The following LRP1B variants were observed in gnomAD, a reference collection of about 807,000 sequenced individuals.
LRP1B encodes low-density lipoprotein receptor-related protein 1B.
LRP1B carries 217 observed loss-of-function variants against 556.6 expected under a neutral mutation model. The ratio of observed to expected loss-of-function variants is 0.39; its 90% CI spans 0.35 to 0.44. The LOEUF (loss-of-function observed/expected upper bound fraction) is 0.44. Ranked by LOEUF, LRP1B falls within the 20% of genes least tolerant of loss-of-function variation. The probability of loss-of-function intolerance (pLI) is 1.00; values close to 1 mark genes in which losing one functional copy is unlikely to be tolerated. For synonymous variants in LRP1B, 2,047 were observed against 1,865.8 expected (o/e 1.10, Z -2.50); for missense variants, 5,053 against 5,620.8 (o/e 0.90, Z 3.23).
chr2:142,128,300 G>T (rs1707727707), intron 1 of LRP1B, among the ~76,000 whole-genome samples: 1 of 152,112 alleles, frequency 6.6e-6, no homozygotes, highest in African/African-American at 2.4e-5. Flanking sequence ...AGTACACGTA[G>T]AACCTAAATG....
chr2:141,321,520 T>C (rs1254062784), intron 3 of LRP1B, among the ~76,000 whole-genome samples: 5 of 152,098 alleles, frequency 3.3e-5, no homozygotes, highest in East Asian at 1.9e-4. Context: ...TTCTCTTTGG[T>C]TATAACCCGC....
At chr2:141,582,833 T>TG (rs1686996094) in intron 2 of LRP1B, among the ~76,000 whole-genome samples, 1 of 132,356 alleles carries the variant, frequency 7.6e-6, no homozygotes, top group African/African-American at 2.8e-5. Context: ...TAAACTTTTT[T>TG]TTTTTTTTTT....
chr2:141,937,541 A>T (rs1386419746), intron 1 of LRP1B, among the ~76,000 whole-genome samples: 1 of 151,970 alleles, frequency 6.6e-6, no homozygotes, highest in African/African-American at 2.4e-5. Context: ...TATCATTCCA[A>T]GCAACACTAC....
intron 1 of LRP1B, among the ~76,000 whole-genome samples, chr2:142,082,047 T>TCA (rs1705738377): frequency 6.6e-6 from 1 of 152,212 alleles, no homozygotes; most frequent in South Asian, 2.1e-4. Flanking sequence ...ATGCTGATGC[T>TCA]CATCTGGTTT....
At chr2:141,265,196 G>A (rs552869697) in intron 3 of LRP1B, among the ~76,000 whole-genome samples, 31 of 152,286 alleles carry the variant, frequency 2.0e-4, no homozygotes, top group African/African-American at 7.5e-4. Context: ...AGCAGCCTGA[G>A]CCAGCGTTAG....
intron 7 of LRP1B, among the ~76,000 whole-genome samples, chr2:141,161,004 AG>A (rs1680008445): frequency 6.6e-6 from 1 of 152,130 alleles, no homozygotes; most frequent in African/African-American, 2.4e-5. Context: ...CATTAGGGAA[AG>A]CAGAATGAGT....
chr2:141,020,431 T>C (rs2105397969), intron 11 of LRP1B, among the ~76,000 whole-genome samples: 1 of 152,196 alleles, frequency 6.6e-6, no homozygotes, highest in Middle Eastern at 3.4e-3. Flanking sequence ...ATACAAGTGA[T>C]AGGAGCGAAA....
chr2:140,286,709 T>A (rs1683166501), intron 84 of LRP1B, among the ~76,000 whole-genome samples: 1 of 151,896 alleles, frequency 6.6e-6, no homozygotes. Context: ...TTAGAAATTA[T>A]GAAGTGAAGC....
chr2:141,941,605 C>G (rs1558975700), intron 1 of LRP1B, among the ~76,000 whole-genome samples: 1 of 152,106 alleles, frequency 6.6e-6, no homozygotes, highest in Non-Finnish European at 1.5e-5. Flanking sequence ...GCATTCCAGG[C>G]CCAGGTATCA....
chr2:140,492,458 C>T (rs1688741939), intron 57 of LRP1B, 150 bp downstream of exon 57: 2 of 569,978 alleles, frequency 3.5e-6, no homozygotes, highest in Admixed American at 3.0e-5. Context: ...TGGAGCAGAA[C>T]AGATACAAAC....
chr2:141,167,648 TATA>T (rs1407018349), intron 7 of LRP1B, among the ~76,000 whole-genome samples: 2 of 152,016 alleles, frequency 1.3e-5, no homozygotes, highest in African/African-American at 4.8e-5. Flanking sequence ...ATATATACAA[TATA>T]ATCATCTAGG....
intron 43 of LRP1B, among the ~76,000 whole-genome samples, chr2:140,595,669 T>C (rs1005085207): frequency 4.6e-5 from 7 of 152,134 alleles, no homozygotes; most frequent in African/African-American, 1.7e-4. Context: ...TACAACTAAA[T>C]TAATTATAAA....
intron 41 of LRP1B, among the ~76,000 whole-genome samples, chr2:140,630,901 C>G (rs1441550627): frequency 6.6e-6 from 1 of 152,138 alleles, no homozygotes; most frequent in African/African-American, 2.4e-5. Flanking sequence ...GACAGAAGCC[C>G]ACTGATAACT....
intron 29 of LRP1B, among the ~76,000 whole-genome samples, chr2:140,845,689 G>A (rs1007970969): frequency 6.6e-6 from 1 of 151,980 alleles, no homozygotes; most frequent in Non-Finnish European, 1.5e-5. Flanking sequence ...CCTTTTAAAA[G>A]ATTCTTTTGG....
intron 18 of LRP1B, among the ~76,000 whole-genome samples, chr2:140,981,314 AAC>A (rs2105342392): frequency 6.6e-6 from 1 of 150,918 alleles, no homozygotes; most frequent in African/African-American, 2.4e-5. Flanking sequence ...TTAAAAGTAT[AAC>A]AGTGTTAAAT....
intron 32 of LRP1B, among the ~76,000 whole-genome samples, chr2:140,779,650 G>A (rs1325866688): frequency 2.0e-5 from 3 of 147,058 alleles, no homozygotes; most frequent in Non-Finnish European, 3.0e-5. Context: ...AGGCAAGATC[G>A]TGCCACTGCA....
intron 89 of LRP1B, 47 bp from the exon 90 acceptor site, chr2:140,234,931 TCA>T (rs1680632112): frequency 1.4e-6 from 1 of 740,456 alleles, no homozygotes; most frequent in Non-Finnish European, 2.5e-6. Flanking sequence ...TATTATAGAA[TCA>T]CTTTTCATCG....
chr2:141,697,440 A>T (rs1691769528), intron 2 of LRP1B, among the ~76,000 whole-genome samples: 1 of 151,996 alleles, frequency 6.6e-6, no homozygotes, highest in Non-Finnish European at 1.5e-5. Context: ...AGTAAATATG[A>T]CATTTGTTAC....
At chr2:140,814,222 G>T (rs1691027685) in intron 31 of LRP1B, among the ~76,000 whole-genome samples, 1 of 152,016 alleles carries the variant, frequency 6.6e-6, no homozygotes, top group African/African-American at 2.4e-5. Context: ...AAGCGATCCT[G>T]TCACCTTGGC....
Sources: allele counts gnomAD v4.1 joint callset (sites outside exome capture counted in the v4.1 genomes callset), GRCh38; gene constraint gnomAD v4.1.1; transcripts MANE v1.5; gene names NCBI Gene and HGNC (gene_info 2026-07-23, HGNC 2026-07-21).